Variants in ZBTB25 observed in about 807,000 individuals in gnomAD.
ZBTB25 encodes the protein zinc finger and BTB domain-containing protein 25.
ZBTB25 carries 20 observed loss-of-function variants against 34.2 expected under a neutral mutation model. The observed-to-expected ratio is 0.58, with a 90% CI of 0.41 to 0.85. The LOEUF is 0.85. ZBTB25 is among the 40% of genes least tolerant of loss of function. ZBTB25 has a pLI of 0.00. For missense variants in ZBTB25, 437 were observed against 521.8 expected, an observed-to-expected ratio of 0.84 and a Z score of 1.58; for synonymous variants, 175 against 186.4, an observed-to-expected ratio of 0.94 and a Z score of 0.50.
chr14:64,498,234 C>A (rs1016178553), intron 1 of ZBTB25, among the ~76,000 whole-genome samples: 2 of 151,840 alleles, frequency 1.3e-5, no homozygotes, highest in African/African-American at 2.4e-5. Context: ...CTATGCAGAG[C>A]TGTATTGATG....
intron 2 of ZBTB25, among the ~76,000 whole-genome samples, chr14:64,488,358 G>T (rs535371867): frequency 6.6e-6 from 1 of 152,046 alleles, no homozygotes; most frequent in South Asian, 2.1e-4. Context: ...GATGCCAGCG[G>T]TAGAAAACTG....
At chr14:64,467,303 T>C (rs2078622080) in intron 2 of ZBTB25, 1 of 152,216 alleles carries the variant, frequency 6.6e-6, no homozygotes, top group Non-Finnish European at 1.5e-5. Flanking sequence ...CTTTGTAATA[T>C]TGTGGTGAGG....
rs2078843518 is a variant in ZBTB25, at chr14:64,485,037, G to A, written c.*1886C>T. Reference sequence around the variant, plus strand: ...CAACACACATCAGTCTTAACCATAGGAGCCTTTACTCACTTGTTTAAGGCA... The same window carrying A: ...CAACACACATCAGTCTTAACCATAGAAGCCTTTACTCACTTGTTTAAGGCA... On this transcript the variant is annotated 3_prime_UTR_variant, in exon 3 of 3. Transcript: ENST00000608382. 1 of 985,400 alleles carries A rather than the reference G, an allele frequency of 1.0e-6. No homozygotes were observed. The highest frequency in any genetic ancestry group is 1.2e-6 in the Non-Finnish European group (1 of 829,930). The allele number at this position is 985,400 out of a possible 1,614,324, so 61.0% of individuals were successfully genotyped here.
At chr14:64,455,433 C>T (rs191136685) in intron 2 of ZBTB25, among the ~76,000 whole-genome samples, 18 of 152,296 alleles carry the variant, frequency 1.2e-4, no homozygotes, top group African/African-American at 4.3e-4. Flanking sequence ...GCTTTCTTAT[C>T]TTACAGATTT....
chr14:64,452,920 T>C (rs1293678755), intron 2 of ZBTB25, among the ~76,000 whole-genome samples: 2 of 151,994 alleles, frequency 1.3e-5, no homozygotes, highest in Admixed American at 6.6e-5. Context: ...AGAGTGTTGC[T>C]ATGTTGCCCA....
At chr14:64,458,000 C>T (rs1359550455) in intron 2 of ZBTB25, 5 of 604,452 alleles carry the variant, frequency 8.3e-6, no homozygotes, top group South Asian at 1.9e-5. Flanking sequence ...AAGCAATCCT[C>T]CTGCCTTAGC....
Position 64,486,265 on chromosome 14 carries a change from G to A in ZBTB25, c.*658C>T. 1 of 965,412 alleles carries A rather than the reference G, an allele frequency of 1.0e-6. No homozygotes were observed. The allele number at this position is 965,412 out of a possible 1,614,324, so 59.8% of individuals were successfully genotyped here. On this transcript the variant is annotated 3_prime_UTR_variant, in exon 3 of 3. Coordinates refer to ENST00000608382, the MANE Select transcript of ZBTB25 (RefSeq NM_006977.5). Reference sequence around the variant, plus strand: ...TGCAGTCAGCCGAGATCGCGCCACTGCGCCCCAGCCTGGGCGACACAGAGA... The same window carrying A: ...TGCAGTCAGCCGAGATCGCGCCACTACGCCCCAGCCTGGGCGACACAGAGA...
intron 2 of ZBTB25, among the ~76,000 whole-genome samples, chr14:64,449,922 G>A (rs994398319): frequency 6.6e-6 from 1 of 152,182 alleles, no homozygotes; most frequent in African/African-American, 2.4e-5. Flanking sequence ...CCAAGTAGCT[G>A]GGATTACAGG....
At chr14:64,456,434 G>A (rs773170214) in intron 2 of ZBTB25, among the ~76,000 whole-genome samples, 10 of 152,122 alleles carry the variant, frequency 6.6e-5, no homozygotes, top group African/African-American at 1.2e-4. Flanking sequence ...ATACATGTGC[G>A]TACACATAAT....
chr14:64,502,871 A>G (rs2079542663), intron 1 of ZBTB25: 1 of 984,812 alleles, frequency 1.0e-6, no homozygotes, highest in Non-Finnish European at 1.2e-6. Context: ...CGGCTCTAAA[A>G]TTTAAGATTC....
At chr14:64,459,027 G>C (rs1294841904) in intron 2 of ZBTB25, among the ~76,000 whole-genome samples, 2 of 152,124 alleles carry the variant, frequency 1.3e-5, no homozygotes, top group Non-Finnish European at 1.5e-5. Context: ...ATGAGAACTA[G>C]ACTTAACGCC....
chr14:64,464,595 C>T (rs566293363), intron 2 of ZBTB25, among the ~76,000 whole-genome samples: 110 of 152,276 alleles, frequency 7.2e-4, no homozygotes, highest in Non-Finnish European at 1.1e-3. Flanking sequence ...ATGAACGCGG[C>T]TGCTTTTCAG....
chr14:64,494,922 CAA>C (rs2079217943), intron 1 of ZBTB25, among the ~76,000 whole-genome samples: 2 of 152,184 alleles, frequency 1.3e-5, no homozygotes, highest in South Asian at 2.1e-4. Context: ...TAAATCTATT[CAA>C]GATTGTTTCA....
rs1475080364 is a variant in ZBTB25 at position 64,486,266 on chromosome 14, C to G, written c.*657G>C. ...GCAGTCAGCCGAGATCGCGCCACTGCGCCCCAGCCTGGGCGACACAGAGAG... is the reference window on the plus strand; with the variant it reads ...GCAGTCAGCCGAGATCGCGCCACTGGGCCCCAGCCTGGGCGACACAGAGAG... On this transcript the variant is annotated 3_prime_UTR_variant, in exon 3 of 3. Transcript: ENST00000608382. 3.5e-5 allele frequency: 34 copies of G among 967,814 alleles called. No homozygotes were observed. The highest frequency in any genetic ancestry group is 3.9e-5 in the Non-Finnish European group (32 of 814,250). The allele number at this position is 967,814 out of a possible 1,614,324, so 60.0% of individuals were successfully genotyped here. A position where few individuals can be genotyped will look rare whatever the true frequency, so the allele number is the denominator to read the frequency against.
downstream of ZBTB25, chr14:64,473,594 T>A (rs528236508): frequency 1.2e-5 from 2 of 167,252 alleles, no homozygotes; most frequent in Admixed American, 6.5e-5. Flanking sequence ...AGTTACCTTA[T>A]TTTTTATAGT....
rs1007792923 is a variant in ZBTB25 at position 64,483,369 on chromosome 14, C to G, written c.*3554G>C. Reference sequence around the variant, plus strand: ...CTCCGCTCACTGCAACCTCTGCCTCCCGGGTTCAAGCTATTCCACTGCCTC... The same window carrying G: ...CTCCGCTCACTGCAACCTCTGCCTCGCGGGTTCAAGCTATTCCACTGCCTC... On this transcript the variant is annotated 3_prime_UTR_variant, in exon 3 of 3. Transcript: ENST00000608382. The G allele has an allele frequency of 2.0e-5, 3 of 152,112 alleles. No homozygotes were observed. The highest frequency in any genetic ancestry group is 7.3e-5 in the African/African-American group (3 of 41,374). The allele number at this position is 152,112 out of a possible 1,614,324, so 9.4% of individuals were successfully genotyped here.
downstream of ZBTB25, among the ~76,000 whole-genome samples, chr14:64,475,054 T>C (rs566684267): frequency 6.6e-6 from 1 of 152,178 alleles, no homozygotes; most frequent in East Asian, 1.9e-4. Context: ...ACCTTAAAAG[T>C]CCTAAAACGA....
intron 1 of ZBTB25, chr14:64,502,618 C>G: frequency 1.0e-6 from 1 of 985,138 alleles, no homozygotes; most frequent in Non-Finnish European, 1.2e-6. Flanking sequence ...CCTGACTTCT[C>G]CATAACCTGA....
At chr14:64,500,475 A>AAAAAAAAAAAAG (rs35009526) in intron 1 of ZBTB25, among the ~76,000 whole-genome samples, 997 of 70,400 alleles carry the variant, frequency 0.014, no homozygotes, top group East Asian at 0.028. Flanking sequence ...AAAAAAAAAA[A>AAAAAAAAAAAAG]AGAGAGAGAG....
Sources: gnomAD v4.1 joint callset for allele counts (sites outside exome capture counted in the v4.1 genomes callset) on GRCh38, gnomAD v4.1.1 for gene constraint, MANE v1.5 for transcripts, NCBI Gene and HGNC (gene_info 2026-07-23, HGNC 2026-07-21) for gene names.